PCDHGB5: variants seen among roughly 807,000 people sequenced by gnomAD.
PCDHGB5 encodes protocadherin gamma-B5.
In PCDHGB5, 48 loss-of-function variants were observed where a neutral mutation model predicts 62.9. The observed-to-expected ratio is 0.76, with a 90% CI of 0.61 to 0.97. The LOEUF is 0.97. PCDHGB5 is among the 50% of genes least tolerant of loss of function. The pLI is 0.00. For missense variants in PCDHGB5, 1,118 were observed against 1,198.6 expected (o/e 0.93, Z 0.99); for synonymous variants, 474 against 511.2 (o/e 0.93, Z 0.98).
intron 1 of PCDHGB5, chr5:141,478,925 G>T: frequency 1.4e-6 from 1 of 700,562 alleles, no homozygotes; most frequent in Non-Finnish European, 2.2e-6. Context: ...TCTAACCAGT[G>T]GCAGCTTCTA....
chr5:141,511,730 T>C lies in PCDHGB5; in HGVS notation c.*557T>C, dbSNP rs772107999. 5.1e-5 allele frequency: 9 copies of C among 177,790 alleles called. No homozygotes were observed. The highest frequency in any genetic ancestry group is 5.3e-5 in the Admixed American group (1 of 18,706). The allele number at this position is 177,790 out of a possible 1,614,324, so 11.0% of individuals were successfully genotyped here. On this transcript the variant is annotated 3_prime_UTR_variant, in exon 4 of 4. Transcript: ENST00000617380. ...ACCTCCTTCCAGAGCCCAAGATCAA[T>C]GCTCAAGTTTTGGAGGACATGATCA...
chr5:141,496,723 T>G (rs1312615861), intron 2 of PCDHGB5, among the ~76,000 whole-genome samples: 3 of 152,212 alleles, frequency 2.0e-5, no homozygotes, highest in Non-Finnish European at 4.4e-5. Context: ...AAGTCATTAA[T>G]GTATTCATTC....
chr5:141,433,208 C>CTTT, intron 1 of PCDHGB5: 2 of 1,293,022 alleles, frequency 1.5e-6, no homozygotes, highest in Non-Finnish European at 2.1e-6. Context: ...AATCTTCTTT[C>CTTT]TTTTTTTTTT....
chr5:141,400,237 A>AT lies in PCDHGB5; in HGVS notation c.2112dup (p.Leu705SerfsTer57). The AT allele has an allele frequency of 1.9e-6, 3 of 1,613,870 alleles. No homozygotes were observed. The highest frequency in any genetic ancestry group is 2.5e-6 in the Non-Finnish European group (3 of 1,179,880). ...CTCAGTGCTCTTCCTCCTGGCCGTG[A>AT]TTCTGGCCGTTGCCTTGCGCCTGCG... On this transcript the variant is annotated frameshift_variant, in exon 1 of 4. Transcript: ENST00000617380. LOFTEE classifies it high-confidence loss of function.
Position 141,464,279 on chromosome 5 carries a change from CA to C in PCDHGB5, c.2398-30517del, listed in dbSNP as rs373828487. Among the ~76,000 whole-genome samples, 143 of 137,732 alleles carry C rather than the reference CA, an allele frequency of 1.0e-3. 2 individuals are homozygous for C. The Middle Eastern group carries it at 0.015, about 15-fold the overall frequency. 90.4% of individuals were successfully genotyped at this position (137,732 alleles called of 152,430 possible). A position where few individuals can be genotyped will look rare whatever the true frequency, so the allele number is the denominator to read the frequency against. The stretch of plus-strand genomic sequence containing the variant: ...GACTCCGTCTAAAAAAAAAAAAAAG[CA>C]AAAAAAAAAACTCCATTGTATGTGC... On this transcript the variant is annotated intron_variant, in intron 1 of 3. Transcript: ENST00000617380.
Position 141,431,132 on chromosome 5 carries a change from G to A in PCDHGB5, c.2397+30608G>A. On this transcript the variant is annotated intron_variant, in intron 1 of 3. Coordinates refer to ENST00000617380, the MANE Select transcript of PCDHGB5 (RefSeq NM_018925.3). This position sits in a 1 kb window ranked among gnomAD's most constrained non-coding sequence, Gnocchi z 4.8. ...ATATGGAGTAGAAGTAGAAGTAAGGGACATTAACGACAATGCGCCTTACTT... is the reference window on the plus strand; with the variant it reads ...ATATGGAGTAGAAGTAGAAGTAAGGAACATTAACGACAATGCGCCTTACTT... 2 of 1,614,232 alleles carry A rather than the reference G, an allele frequency of 1.2e-6. No individual in the cohort carries two copies. The highest frequency in any genetic ancestry group is 8.5e-7 in the Non-Finnish European group (1 of 1,180,024).
chr5:141,431,674 G>A lies in PCDHGB5; in HGVS notation c.2397+31150G>A, dbSNP rs756385496. ...ATTCAGGGACAATATCAACAATAGG[G>A]GAGTTGGACCACGAGGAGTCAGGAT... On this transcript the variant is annotated intron_variant, in intron 1 of 3. Transcript: ENST00000617380. The surrounding 1 kb of genome is among the most constrained non-coding windows in gnomAD (Gnocchi z 4.8). 4 of 1,614,234 alleles carry A rather than the reference G, an allele frequency of 2.5e-6. No individual in the cohort carries two copies. The Admixed American group carries it at 6.7e-5, about 27-fold the overall frequency.
Position 141,490,731 on chromosome 5 carries a change from G to A in PCDHGB5, c.2398-4076G>A, listed in dbSNP as rs139283997. The A allele has an allele frequency of 6.8e-6, 11 of 1,614,080 alleles. No homozygotes were observed. In the African/African-American group the frequency reaches 1.1e-4, roughly 16 times the overall value. Reference sequence around the variant, plus strand: ...TCACCTACTCCATTGTAGGAAATCAGGTTCAGGGAGCCCCAGCCTCCTCCT... The same window carrying A: ...TCACCTACTCCATTGTAGGAAATCAAGTTCAGGGAGCCCCAGCCTCCTCCT... On this transcript the variant is annotated intron_variant, in intron 1 of 3. Transcript: ENST00000617380. The surrounding 1 kb of genome is among the most constrained non-coding windows in gnomAD (Gnocchi z 5.4).
At position 141,399,255 on chromosome 5, in the gene PCDHGB5, G is replaced by A. The variant is rs767281843; in HGVS notation, c.1128G>A (p.Gly376=). 3.7e-6 allele frequency: 6 copies of A among 1,613,892 alleles called. No individual in the cohort carries two copies. The highest frequency in any genetic ancestry group is 5.1e-6 in the Non-Finnish European group (6 of 1,179,842). Residue 376 remains glycine, a synonymous_variant, in exon 1 of 4, where the codon GGG becomes GGA. Transcript: ENST00000617380. ...ATGACCAAGATTCTGGGGAAAATGG[G>A]GAGGTTAATTGTCAATTACAAGGCG... ...KIHDQDSGEN[G]EVNCQLQGEV...
chr5:141,432,642 C>T lies in PCDHGB5; in HGVS notation c.2397+32118C>T, dbSNP rs746251093. 7.4e-6 allele frequency: 12 copies of T among 1,613,784 alleles called. No individual in the cohort carries two copies. The highest frequency in any genetic ancestry group is 2.7e-5 in the African/African-American group (2 of 75,056). ...GGTCTGCACACGGGCGAGGTGCGCA[C>T]GGCGCGAGCCCTGCTGGACAGAGAC... On this transcript the variant is annotated intron_variant, in intron 1 of 3. Coordinates refer to ENST00000617380, the MANE Select transcript of PCDHGB5 (RefSeq NM_018925.3). This position sits in a 1 kb window ranked among gnomAD's most constrained non-coding sequence, Gnocchi z 6.0.
At chr5:141,434,978 C>G (rs1287204052) in intron 1 of PCDHGB5, among the ~76,000 whole-genome samples, 2 of 151,700 alleles carry the variant, frequency 1.3e-5, no homozygotes, top group Non-Finnish European at 2.9e-5. Flanking sequence ...TTTGTTAATA[C>G]TCTATATCAT....
At chr5:141,447,957 A>T (rs1460497437) in intron 1 of PCDHGB5, among the ~76,000 whole-genome samples, 3 of 151,910 alleles carry the variant, frequency 2.0e-5, no homozygotes, top group African/African-American at 7.3e-5. Context: ...ATGGTGGCGG[A>T]CACCTATAAT....
At chr5:141,403,284 A>C in intron 1 of PCDHGB5, 1 of 1,613,912 alleles carries the variant, frequency 6.2e-7, no homozygotes. Flanking sequence ...GTCCTGGTTG[A>C]AGACAGAGTG....
Position 141,486,243 on chromosome 5 carries a change from G to T in PCDHGB5, c.2398-8564G>T. ...TACATCACAGTGACCTCAGAGCTTG[G>T]AACCCTCCCCGAGAGTGCAGAACCT... is the stretch of plus-strand genomic sequence containing the variant. On this transcript the variant is annotated intron_variant, in intron 1 of 3. Coordinates refer to ENST00000617380, the MANE Select transcript of PCDHGB5 (RefSeq NM_018925.3). The surrounding 1 kb of genome is among the most constrained non-coding windows in gnomAD (Gnocchi z 5.0). 1 of 1,614,156 alleles carries T rather than the reference G, an allele frequency of 6.2e-7. No individual in the cohort carries two copies. Among genetic ancestry groups the T allele is most frequent in the Non-Finnish European group, 8.5e-7 (1 of 1,180,018 alleles).
intron 1 of PCDHGB5, among the ~76,000 whole-genome samples, chr5:141,482,760 C>CAGCTGTG (rs1363796107): frequency 2.1e-5 from 3 of 141,084 alleles, no homozygotes; most frequent in African/African-American, 5.7e-5. Flanking sequence ...TATGGTATTT[C>CAGCTGTG]ATTATCACTG....
intron 1 of PCDHGB5, among the ~76,000 whole-genome samples, chr5:141,451,788 A>C (rs531473040): frequency 6.6e-6 from 1 of 152,140 alleles, no homozygotes; most frequent in African/African-American, 2.4e-5. Flanking sequence ...GGCTGAGGCC[A>C]GAGAATTGCT....
Position 141,432,837 on chromosome 5 carries a change from T to C in PCDHGB5, c.2397+32313T>C. On this transcript the variant is annotated intron_variant, in intron 1 of 3. Transcript: ENST00000617380. This position sits in a 1 kb window ranked among gnomAD's most constrained non-coding sequence, Gnocchi z 6.0. ...GAAACCTCAGACCTCACTCTGTACC[T>C]GGTGGTAGCGGTGGCCGCGGTCTCC... The C allele has an allele frequency of 6.2e-7, 1 of 1,614,180 alleles. No individual in the cohort carries two copies. Among genetic ancestry groups the C allele is most frequent in the Non-Finnish European group, 8.5e-7 (1 of 1,180,004 alleles).
At chr5:141,449,349 G>A (rs191322076) in intron 1 of PCDHGB5, among the ~76,000 whole-genome samples, 2 of 151,956 alleles carry the variant, frequency 1.3e-5, no homozygotes, top group African/African-American at 4.8e-5. Flanking sequence ...GCTCACTCCT[G>A]TAATCCCAGC....
chr5:141,412,983 G>A (rs1372992044), intron 1 of PCDHGB5: 1 of 557,334 alleles, frequency 1.8e-6, no homozygotes, highest in Admixed American at 3.6e-5. Context: ...CGCAGCCAGA[G>A]CTCAATCCGG....
Sources: gnomAD v4.1 joint callset for allele counts (sites outside exome capture counted in the v4.1 genomes callset) on GRCh38, gnomAD v4.1.1 for gene constraint, Gnocchi (gnomAD v3.1) non-coding constraint, MANE v1.5 for transcripts, NCBI Gene and HGNC (gene_info 2026-07-23, HGNC 2026-07-21) for gene names.